Variants in RIMKLB observed in about 807,000 individuals in gnomAD.
RIMKLB encodes the protein ribosomal modification protein rimK like family member B.
A neutral mutation model predicts 32.0 loss-of-function variants in RIMKLB; 7 were observed. That is an observed-to-expected ratio of 0.22 (90% confidence interval 0.12 to 0.41). RIMKLB has a LOEUF of 0.41. RIMKLB is among the 10% of genes least tolerant of loss of function. The pLI is 1.00. For missense variants in RIMKLB, 289 were observed against 498.7 expected (o/e 0.58, Z 4.00); for synonymous variants, 172 against 185.1 (o/e 0.93, Z 0.57).
chr12:8,692,789 C>A (rs1319317412), upstream of RIMKLB, among the ~76,000 whole-genome samples: 1 of 152,216 alleles, frequency 6.6e-6, no homozygotes, highest in African/African-American at 2.4e-5. Context: ...ACTGCAAAGA[C>A]TGTTGTCAGG....
chr12:8,764,887 G>C (rs1211254333), intron 5 of RIMKLB, among the ~76,000 whole-genome samples: 1 of 151,198 alleles, frequency 6.6e-6, no homozygotes, highest in Non-Finnish European at 1.5e-5. Flanking sequence ...CAGCCTTTCT[G>C]TTCCAGAGCC....
chr12:8,712,700 C>T (rs866637442), intron 1 of RIMKLB, among the ~76,000 whole-genome samples: 1 of 152,104 alleles, frequency 6.6e-6, no homozygotes, highest in South Asian at 2.1e-4. Flanking sequence ...GGGCCTCTGC[C>T]CAGCAATGCT....
chr12:8,756,327 C>T (rs779961987), intron 5 of RIMKLB, among the ~76,000 whole-genome samples: 16 of 152,024 alleles, frequency 1.1e-4, no homozygotes, highest in Non-Finnish European at 1.6e-4. Context: ...AAAATTCCTC[C>T]AATAGCTCCC....
upstream of RIMKLB, among the ~76,000 whole-genome samples, chr12:8,676,751 G>A (rs760141349): frequency 2.6e-5 from 4 of 152,116 alleles, no homozygotes; most frequent in Admixed American, 1.3e-4. Flanking sequence ...TCAACTCTAA[G>A]TCTGAATATG....
At chr12:8,758,243 T>G (rs770363634) in intron 5 of RIMKLB, among the ~76,000 whole-genome samples, 5 of 152,164 alleles carry the variant, frequency 3.3e-5, no homozygotes, top group African/African-American at 1.2e-4. Flanking sequence ...TTTTTCCTTT[T>G]TTGTATTGAT....
chr12:8,707,050 G>T (rs1943944328), intron 1 of RIMKLB, among the ~76,000 whole-genome samples: 1 of 152,102 alleles, frequency 6.6e-6, no homozygotes, highest in African/African-American at 2.4e-5. Context: ...AGAGAGCGTG[G>T]AAAAACAACA....
chr12:8,778,991 A>G (rs143598624), downstream of RIMKLB: 1 of 152,332 alleles, frequency 6.6e-6, no homozygotes, highest in African/African-American at 2.4e-5. Flanking sequence ...GCATCTTAAG[A>G]CAAAAATATT....
intron 2 of RIMKLB, among the ~76,000 whole-genome samples, chr12:8,740,487 A>T (rs907029450): frequency 1.3e-5 from 2 of 150,822 alleles, no homozygotes; most frequent in Non-Finnish European, 3.0e-5. Context: ...TTTATCCCTC[A>T]CCCCCTCCCA....
chr12:8,729,065 C>T (rs763295642), intron 2 of RIMKLB, among the ~76,000 whole-genome samples: 176 of 152,236 alleles, frequency 1.2e-3, no homozygotes, highest in African/African-American at 4.1e-3. Context: ...AAACTTCATA[C>T]TGGCGCCGCC....
At chr12:8,687,488 T>C (rs1942610047) in intron 1 of RIMKLB, among the ~76,000 whole-genome samples, 1 of 152,180 alleles carries the variant, frequency 6.6e-6, no homozygotes. Context: ...TTTCATACTT[T>C]TTCCTCTTTT....
intron 5 of RIMKLB, among the ~76,000 whole-genome samples, chr12:8,767,062 T>C (rs1233225493): frequency 6.6e-6 from 1 of 152,246 alleles, no homozygotes; most frequent in Non-Finnish European, 1.5e-5. Flanking sequence ...TCTCAGTGTT[T>C]TCGGGCTACG....
At chr12:8,678,202 G>A (rs957824128), upstream of RIMKLB, among the ~76,000 whole-genome samples, 3 of 151,326 alleles carry the variant, frequency 2.0e-5, no homozygotes, top group Non-Finnish European at 4.4e-5. Context: ...TAAAAATAGA[G>A]ACAGGGTCCC....
At chr12:8,764,826 T>G (rs773956394) in intron 5 of RIMKLB, among the ~76,000 whole-genome samples, 7 of 151,936 alleles carry the variant, frequency 4.6e-5, no homozygotes, top group Non-Finnish European at 8.8e-5. Flanking sequence ...TTTTTTAAAG[T>G]GTCCTTGTAG....
chr12:8,775,965 A>G lies in RIMKLB; in HGVS notation c.*2181A>G, dbSNP rs1592040200. 1 of 983,514 alleles carries G rather than the reference A, an allele frequency of 1.0e-6. No homozygotes were observed. Among genetic ancestry groups the G allele is most frequent in the African/African-American group, 1.7e-5 (1 of 57,200 alleles). The allele number at this position is 983,514 out of a possible 1,614,324, so 60.9% of individuals were successfully genotyped here. Reference sequence around the variant, plus strand: ...CTTTCGCTGAATGACCATACTGTGGAGGATGCATACTATTTGGTATAGAGA... The same window carrying G: ...CTTTCGCTGAATGACCATACTGTGGGGGATGCATACTATTTGGTATAGAGA... On this transcript the variant is annotated 3_prime_UTR_variant, in exon 6 of 6. Transcript: ENST00000535829.
rs766357392 is a variant in RIMKLB, at chr12:8,773,814, T to C, written c.*30T>C. ...ACTGGTAATTAACCAACAAAACCCT[T>C]GTAAAACTTTCTTTCTTCTTTTCTA... On this transcript the variant is annotated 3_prime_UTR_variant, in exon 6 of 6. Transcript: ENST00000535829. 1 of 1,564,588 alleles carries C rather than the reference T, an allele frequency of 6.4e-7. No homozygotes were observed. The highest frequency in any genetic ancestry group is 1.2e-5 in the South Asian group (1 of 85,150).
rs1592027174 is a variant in RIMKLB at position 8,773,331 on chromosome 12, G to A, written c.708G>A (p.Gly236=). Residue 236 remains glycine (G), a synonymous_variant, in exon 6 of 6, where the codon GGG becomes GGA. Transcript: ENST00000535829. The part of the protein sequence containing the change: ...MQSNCSLGGV[G]MMCSLSEQGK... ...TGTTTCTTTTGCCAGGTGGTGTGGG[G>A]ATGATGTGCTCATTGAGTGAACAAG... is the stretch of plus-strand genomic sequence containing the variant. The A allele has an allele frequency of 1.2e-6, 2 of 1,610,246 alleles. No individual in the cohort carries two copies.
rs369858388 is a variant in RIMKLB, at chr12:8,749,889, C to G, written c.203C>G (p.Thr68Ser). Residue 68 changes from threonine to serine, a missense_variant, in exon 3 of 6, where the codon ACT becomes AGT. Physicochemically the swap from Thr to Ser is moderately conservative, Grantham distance 58. Transcript: ENST00000535829. ...CTGCGGATCAATGGAGAGCTAATCACTGCCTACCCACAAGTGGTGGTAGTC... is the reference window on the plus strand; with the variant it reads ...CTGCGGATCAATGGAGAGCTAATCAGTGCCTACCCACAAGTGGTGGTAGTC... Reference protein sequence around the residue: ...LGLRINGELITAYPQVVVVRV... With the variant: ...LGLRINGELISAYPQVVVVRV... 1.7e-4 allele frequency: 280 copies of G among 1,609,724 alleles called. No homozygotes were observed. The highest frequency in any genetic ancestry group is 2.3e-4 in the Non-Finnish European group (268 of 1,176,428).
intron 2 of RIMKLB, among the ~76,000 whole-genome samples, chr12:8,719,703 A>T (rs1189617464): frequency 6.6e-6 from 1 of 152,198 alleles, no homozygotes; most frequent in African/African-American, 2.4e-5. Flanking sequence ...TTTAATAATT[A>T]TTGAGGATCT....
chr12:8,685,432 G>T (rs1414133454), intron 1 of RIMKLB, among the ~76,000 whole-genome samples: 1 of 152,154 alleles, frequency 6.6e-6, no homozygotes, highest in African/African-American at 2.4e-5. Flanking sequence ...TGCTCGTTCA[G>T]CATCTATTGG....
Sources: gnomAD v4.1 joint callset for allele counts (sites outside exome capture counted in the v4.1 genomes callset) on GRCh38, gnomAD v4.1.1 for gene constraint, MANE v1.5 for transcripts, NCBI Gene and HGNC (gene_info 2026-07-23, HGNC 2026-07-21) for gene names.